CPPED1: variants seen among roughly 807,000 people sequenced by gnomAD.
CPPED1 encodes the protein calcineurin like phosphoesterase domain containing 1.
Under a neutral mutation model 28.0 loss-of-function variants are expected in CPPED1, and 28 were observed. That is an observed-to-expected ratio of 1.00 (90% CI 0.74 to 1.37). CPPED1 has a LOEUF of 1.37. CPPED1 is among the 40% of genes most tolerant of loss of function. CPPED1 has a pLI of 0.00. For missense variants in CPPED1, 504 were observed against 416.5 expected, an observed-to-expected ratio of 1.21 and a Z score of -1.83; for synonymous variants, 198 against 180.2, an observed-to-expected ratio of 1.10 and a Z score of -0.79.
intron 1 of CPPED1, among the ~76,000 whole-genome samples, chr16:12,799,002 C>A (rs1325572585): frequency 6.6e-6 from 1 of 152,132 alleles, no homozygotes; most frequent in African/African-American, 2.4e-5. Context: ...ACACATACCA[C>A]TACTGGAAGG....
chr16:12,714,253 A>G (rs1355803536), intron 2 of CPPED1, among the ~76,000 whole-genome samples: 2 of 152,164 alleles, frequency 1.3e-5, no homozygotes, highest in Admixed American at 6.5e-5. Context: ...TCCACGTGCA[A>G]GTTTTTCACA....
chr16:12,754,504 T>A (rs1297802284), intron 2 of CPPED1, among the ~76,000 whole-genome samples: 1 of 152,126 alleles, frequency 6.6e-6, no homozygotes, highest in East Asian at 1.9e-4. Context: ...TTAAACAAAT[T>A]AAAGGGGCAT....
intron 1 of CPPED1, among the ~76,000 whole-genome samples, chr16:12,783,267 G>A (rs918427124): frequency 6.6e-6 from 1 of 152,198 alleles, no homozygotes; most frequent in Non-Finnish European, 1.5e-5. Context: ...GGAGGCCAAG[G>A]CGGGCAGATT....
intron 2 of CPPED1, among the ~76,000 whole-genome samples, chr16:12,745,196 T>TA (rs1309026787): frequency 4.0e-5 from 6 of 151,846 alleles, no homozygotes; most frequent in Middle Eastern, 3.4e-3. Context: ...ACAGAAAAAA[T>TA]ACGTGAAGAA....
At chr16:12,770,297 T>C (rs569956277) in intron 2 of CPPED1, among the ~76,000 whole-genome samples, 1 of 152,162 alleles carries the variant, frequency 6.6e-6, no homozygotes, top group African/African-American at 2.4e-5. Flanking sequence ...AAGAAATACT[T>C]ACCTGACTGT....
intron 2 of CPPED1, among the ~76,000 whole-genome samples, chr16:12,758,016 T>C (rs2080382787): frequency 6.6e-6 from 1 of 152,144 alleles, no homozygotes; most frequent in Admixed American, 6.5e-5. Context: ...GGCAAGCTTT[T>C]GGAATATTCT....
At chr16:12,706,702 G>A (rs2080053096) in intron 2 of CPPED1, among the ~76,000 whole-genome samples, 1 of 152,068 alleles carries the variant, frequency 6.6e-6, no homozygotes, top group African/African-American at 2.4e-5. Context: ...CCAGCCATGA[G>A]GCCAATGTGG....
chr16:12,692,408 G>A (rs2079968363), intron 3 of CPPED1, among the ~76,000 whole-genome samples: 1 of 152,150 alleles, frequency 6.6e-6, no homozygotes, highest in African/African-American at 2.4e-5. Context: ...TTCACGTCCA[G>A]TCATTTAAAA....
intron 2 of CPPED1, among the ~76,000 whole-genome samples, chr16:12,712,323 A>C (rs2080084251): frequency 6.6e-6 from 1 of 152,210 alleles, no homozygotes; most frequent in Non-Finnish European, 1.5e-5. Context: ...TATATGGTTA[A>C]GATCATAGCT....
intron 2 of CPPED1, among the ~76,000 whole-genome samples, chr16:12,731,139 C>A (rs2141205088): frequency 7.0e-6 from 1 of 142,192 alleles, no homozygotes; most frequent in South Asian, 2.3e-4. Flanking sequence ...GAGACCCTGT[C>A]TCTTCAAAAA....
chr16:12,768,012 C>G (rs1022133589), intron 2 of CPPED1, among the ~76,000 whole-genome samples: 14 of 152,056 alleles, frequency 9.2e-5, no homozygotes, highest in African/African-American at 2.4e-5. Flanking sequence ...CTTAGTGCCC[C>G]AGAAGGAAAG....
rs1468768378 is a variant in CPPED1 at position 12,661,562 on chromosome 16, A to G, written c.*3324T>C. ...ACTTTAAAAAACCTTCCCCCGTAAC[A>G]TGTCCTTGTGTTTTTGTTTTTTCCT... On this transcript the variant is annotated 3_prime_UTR_variant, in exon 4 of 4. Coordinates refer to ENST00000381774, the MANE Select transcript of CPPED1 (RefSeq NM_018340.3). 1.3e-5 allele frequency: 2 copies of G among 152,164 alleles called. No individual in the cohort carries two copies. The highest frequency in any genetic ancestry group is 2.9e-5 in the Non-Finnish European group (2 of 68,028). 9.4% of individuals were successfully genotyped at this position (152,164 alleles called of 1,614,324 possible).
chr16:12,733,522 G>A (rs564645747), intron 2 of CPPED1, among the ~76,000 whole-genome samples: 7 of 152,188 alleles, frequency 4.6e-5, no homozygotes, highest in East Asian at 3.9e-4. Context: ...TGATCCGCCC[G>A]CCTTGGCCTC....
Position 12,662,511 on chromosome 16 carries a change from T to G in CPPED1, c.*2375A>C, listed in dbSNP as rs2079800783. The G allele has an allele frequency of 6.6e-6, 1 of 152,228 alleles. No homozygotes were observed. The highest frequency in any genetic ancestry group is 2.4e-5 in the African/African-American group (1 of 41,464). The allele number at this position is 152,228 out of a possible 1,614,324, so 9.4% of individuals were successfully genotyped here. A position where few individuals can be genotyped will look rare whatever the true frequency, so the allele number is the denominator to read the frequency against. ...ACCAGAAAAGTGTACACTGTACCCATCAGGTACTTTCTCATCCCTTACCCT... is the reference window on the plus strand; with the variant it reads ...ACCAGAAAAGTGTACACTGTACCCAGCAGGTACTTTCTCATCCCTTACCCT... On this transcript the variant is annotated 3_prime_UTR_variant, in exon 4 of 4. Coordinates refer to ENST00000381774, the MANE Select transcript of CPPED1 (RefSeq NM_018340.3).
chr16:12,738,983 G>A (rs2080240525), intron 2 of CPPED1, among the ~76,000 whole-genome samples: 1 of 152,184 alleles, frequency 6.6e-6, no homozygotes, highest in Non-Finnish European at 1.5e-5. Flanking sequence ...GCTTGCTCAG[G>A]GAGGTTAGCA....
chr16:12,719,724 C>T (rs112255992), intron 2 of CPPED1, among the ~76,000 whole-genome samples: 1 of 152,156 alleles, frequency 6.6e-6, no homozygotes, highest in Non-Finnish European at 1.5e-5. Flanking sequence ...CACCTGAGAT[C>T]AGGAGTTCAA....
chr16:12,758,379 T>A (rs914495288), intron 2 of CPPED1, among the ~76,000 whole-genome samples: 7 of 152,134 alleles, frequency 4.6e-5, no homozygotes, highest in Non-Finnish European at 1.0e-4. Flanking sequence ...AGCCTGTATG[T>A]TTTGAGCGCC....
chr16:12,741,121 A>G (rs2080253031), intron 2 of CPPED1, among the ~76,000 whole-genome samples: 1 of 152,192 alleles, frequency 6.6e-6, no homozygotes, highest in South Asian at 2.1e-4. Context: ...ATGACAAAAT[A>G]TCATAGTAAC....
intron 3 of CPPED1, among the ~76,000 whole-genome samples, chr16:12,681,908 C>G (rs1386900270): frequency 6.6e-6 from 1 of 152,156 alleles, no homozygotes; most frequent in African/African-American, 2.4e-5. Context: ...TAATTACTCT[C>G]CAGGGGCTAG....
Sources: gnomAD v4.1 joint callset for allele counts (sites outside exome capture counted in the v4.1 genomes callset) on GRCh38, gnomAD v4.1.1 for gene constraint, MANE v1.5 for transcripts, NCBI Gene and HGNC (gene_info 2026-07-23, HGNC 2026-07-21) for gene names.